CCNY: variants seen among roughly 807,000 people sequenced by gnomAD.
CCNY encodes the protein cyclin-Y.
In CCNY, 19 loss-of-function variants were observed where a neutral mutation model predicts 42.8. The ratio of observed to expected loss-of-function variants is 0.44; its 90% confidence interval spans 0.31 to 0.65. The LOEUF (loss-of-function observed/expected upper bound fraction) is 0.65, where lower values mean the gene tolerates loss of function less well. Ranked by LOEUF, CCNY falls within the 30% of genes least tolerant of loss-of-function variation. The probability of loss-of-function intolerance (pLI) is 0.07; values close to 1 mark genes in which losing one functional copy is unlikely to be tolerated. For synonymous variants in CCNY, 165 were observed against 162.7 expected (o/e 1.01, Z -0.11); for missense variants, 370 against 437.3 (o/e 0.85, Z 1.37).
In CCNY at chr10:35,310,015, T is replaced by A. The variant is rs189523140; in HGVS notation, c.-9+59389T>A. On this transcript the variant is annotated intron_variant, in intron 3 of 11. Transcript: ENST00000374706. ...CAGGGTTTCACCATGTTAGCCAGGA[T>A]GGTCTCGATCTCCTGACCTTCTGAT... is the stretch of plus-strand genomic sequence containing the variant. 3.3e-5 allele frequency among the ~76,000 whole-genome samples: 5 copies of A among 152,040 alleles called. No homozygotes were observed. In the East Asian group the frequency reaches 9.8e-4, roughly 30 times the overall value.
intron 1 of CCNY, among the ~76,000 whole-genome samples, chr10:35,396,728 C>T (rs1437345854): frequency 1.3e-5 from 2 of 152,182 alleles, no homozygotes; most frequent in African/African-American, 4.8e-5. Context: ...TACCCTGCAG[C>T]GTGGGAGCAG....
At chr10:35,452,918 A>T (rs1007213659) in intron 1 of CCNY, among the ~76,000 whole-genome samples, 1 of 152,094 alleles carries the variant, frequency 6.6e-6, no homozygotes, top group Non-Finnish European at 1.5e-5. Context: ...TAAAACCCAT[A>T]CCCTCCAAAT....
At chr10:35,391,531 G>T (rs1011833333) in intron 1 of CCNY, among the ~76,000 whole-genome samples, 2 of 152,182 alleles carry the variant, frequency 1.3e-5, no homozygotes, top group Non-Finnish European at 2.9e-5. Context: ...AGTGGGCGAT[G>T]AGAACCAGGA....
chr10:35,400,902 A>G (rs1313904522), intron 1 of CCNY, among the ~76,000 whole-genome samples: 1 of 152,232 alleles, frequency 6.6e-6, no homozygotes, highest in Non-Finnish European at 1.5e-5. Context: ...TAGGCACACC[A>G]TGGCATTGAA....
chr10:35,408,536 G>C (rs1564399956), intron 1 of CCNY, among the ~76,000 whole-genome samples: 1 of 151,772 alleles, frequency 6.6e-6, no homozygotes, highest in Non-Finnish European at 1.5e-5. Context: ...CTTCTTAAGG[G>C]TGGGGGAGAT....
At chr10:35,372,673 C>A (rs1836963014) in intron 1 of CCNY, among the ~76,000 whole-genome samples, 1 of 152,162 alleles carries the variant, frequency 6.6e-6, no homozygotes, top group African/African-American at 2.4e-5. Context: ...AACTGTGTAT[C>A]CCATTTCATA....
At chr10:35,568,189 G>T (rs1841609552) in intron 9 of CCNY, among the ~76,000 whole-genome samples, 1 of 152,218 alleles carries the variant, frequency 6.6e-6, no homozygotes, top group Non-Finnish European at 1.5e-5. Flanking sequence ...ACAGGCCGAG[G>T]TTGGTGGAGT....
At chr10:35,448,457 T>A in intron 1 of CCNY, among the ~76,000 whole-genome samples, 1 of 152,094 alleles carries the variant, frequency 6.6e-6, no homozygotes. Context: ...GAGGGTAATA[T>A]TATTATTATA....
chr10:35,477,732 CA>C (rs1288214769), intron 1 of CCNY, among the ~76,000 whole-genome samples: 1 of 151,974 alleles, frequency 6.6e-6, no homozygotes, highest in East Asian at 1.9e-4. Context: ...TGGCACAAGA[CA>C]GGGATGCCCT....
At chr10:35,470,215 A>T (rs1239122616) in intron 1 of CCNY, among the ~76,000 whole-genome samples, 1 of 150,838 alleles carries the variant, frequency 6.6e-6, no homozygotes, top group East Asian at 2.0e-4. Flanking sequence ...AGAGACAGGG[A>T]GTTGGAGAGA....
At position 35,552,775 on chromosome 10, in the gene CCNY, A is replaced by C. The variant is rs187379408; in HGVS notation, c.580-244A>C. ...GAGAAATTAGCCTGTGCTTCCTGGA[A>C]TTGTTTCCTCCACAGAGTCTGTTTA... On this transcript the variant is annotated intron_variant, in intron 7 of 9. Transcript: ENST00000374704. Among the ~76,000 whole-genome samples, 589 of 152,338 alleles carry C rather than the reference A, an allele frequency of 3.9e-3. 5 individuals are homozygous for C. Among genetic ancestry groups the C allele is most frequent in the African/African-American group, 0.014 (573 of 41,586 alleles).
At chr10:35,459,146 T>C (rs770239424) in intron 1 of CCNY, among the ~76,000 whole-genome samples, 74 of 152,278 alleles carry the variant, frequency 4.9e-4, no homozygotes, top group Middle Eastern at 3.4e-3. Flanking sequence ...AGGGTAAAAA[T>C]AGATGGAAAT....
chr10:35,304,770 C>T (rs1835586602), intron 3 of CCNY, among the ~76,000 whole-genome samples: 1 of 152,122 alleles, frequency 6.6e-6, no homozygotes, highest in South Asian at 2.1e-4. Context: ...CACTACATGC[C>T]AGTGGCATCC....
chr10:35,299,819 G>GT (rs1321571474), intron 3 of CCNY, among the ~76,000 whole-genome samples: 3 of 152,034 alleles, frequency 2.0e-5, no homozygotes, highest in African/African-American at 7.2e-5. Context: ...TATACCATAT[G>GT]TTTTTATTTT....
chr10:35,248,040 G>A (rs1324346170), intron 1 of CCNY: 1 of 152,326 alleles, frequency 6.6e-6, no homozygotes, highest in African/African-American at 2.4e-5. Flanking sequence ...CAGCAAGGCT[G>A]TTATTTCACC....
At chr10:35,282,437 A>C (rs1346174483) in intron 3 of CCNY, among the ~76,000 whole-genome samples, 4 of 151,948 alleles carry the variant, frequency 2.6e-5, no homozygotes, top group African/African-American at 9.7e-5. Flanking sequence ...TATTTTAAAA[A>C]TCTGAACAGG....
At chr10:35,467,395 G>A (rs1383598722) in intron 1 of CCNY, among the ~76,000 whole-genome samples, 2 of 152,194 alleles carry the variant, frequency 1.3e-5, no homozygotes, top group Non-Finnish European at 2.9e-5. Flanking sequence ...GGACACTGGT[G>A]TGGAAAAATA....
chr10:35,416,471 G>C (rs558678151), intron 1 of CCNY, among the ~76,000 whole-genome samples: 3 of 152,166 alleles, frequency 2.0e-5, no homozygotes, highest in African/African-American at 7.2e-5. Context: ...CCTTTTGATT[G>C]GGGAGAAATT....
chr10:35,468,588 C>G (rs1839319554), intron 1 of CCNY, among the ~76,000 whole-genome samples: 1 of 152,030 alleles, frequency 6.6e-6, no homozygotes, highest in South Asian at 2.1e-4. Context: ...TTTTGAGGGT[C>G]TGATCTTGAT....
Sources: allele counts gnomAD v4.1 joint callset (sites outside exome capture counted in the v4.1 genomes callset), GRCh38; gene constraint gnomAD v4.1.1; transcripts MANE v1.5; gene names NCBI Gene and HGNC (gene_info 2026-07-23, HGNC 2026-07-21).